PCDHGA1: variants seen among roughly 807,000 people sequenced by gnomAD.
The protein encoded by PCDHGA1 is protocadherin gamma-A1.
A neutral mutation model predicts 58.0 loss-of-function variants in PCDHGA1; 32 were observed. The ratio of observed to expected loss-of-function variants is 0.55; its 90% CI spans 0.42 to 0.74. The LOEUF (loss-of-function observed/expected upper bound fraction) is 0.74. Among genes scored for constraint, PCDHGA1 ranks in the 30% least tolerant of loss-of-function variants. The pLI, the probability that PCDHGA1 is intolerant of heterozygous loss-of-function variation, is 0.00. For missense variants in PCDHGA1, 1,205 were observed against 1,182.3 expected (o/e 1.02, Z -0.28); for synonymous variants, 498 against 501.1 (o/e 0.99, Z 0.08).
chr5:141,384,510 C>T (rs1038523588), intron 1 of PCDHGA1: 16 of 1,614,028 alleles, frequency 9.9e-6, no homozygotes, highest in African/African-American at 2.7e-5. Flanking sequence ...CACATGACAG[C>T]GGGGACCCGC....
At chr5:141,455,903 ATTTATTT>A (rs2098836354) in intron 1 of PCDHGA1, among the ~76,000 whole-genome samples, 1 of 145,228 alleles carries the variant, frequency 6.9e-6, no homozygotes, top group African/African-American at 2.7e-5. Context: ...TTATTTATTT[ATTTATTT>A]ATTTTGAGAC....
rs754294132 is a variant in PCDHGA1, at chr5:141,389,121, A to G, written c.2421+56016A>G. ...AGATGCTGTTCTAGACCGCGAGCAG[A>G]ATCCAGAGTACAATATAACCGTTAC... is the stretch of plus-strand genomic sequence containing the variant. On this transcript the variant is annotated intron_variant, in intron 1 of 3. Coordinates refer to ENST00000517417, the MANE Select transcript of PCDHGA1 (RefSeq NM_018912.3). The G allele has an allele frequency of 1.1e-5, 17 of 1,613,910 alleles. No individual in the cohort carries two copies. In the Admixed American group the frequency reaches 2.8e-4, roughly 27 times the overall value.
chr5:141,359,539 T>C (rs1181475445), intron 1 of PCDHGA1, among the ~76,000 whole-genome samples: 1 of 150,972 alleles, frequency 6.6e-6, no homozygotes, highest in Non-Finnish European at 1.5e-5. Flanking sequence ...CTATAAGAAA[T>C]AAATAGGAAA....
Position 141,390,351 on chromosome 5 carries a change from C to T in PCDHGA1, c.2421+57246C>T, listed in dbSNP as rs1561631456. 5 of 1,558,898 alleles carry T rather than the reference C, an allele frequency of 3.2e-6. No homozygotes were observed. The Admixed American group carries it at 9.1e-5, about 28-fold the overall frequency. On this transcript the variant is annotated intron_variant, in intron 1 of 3. Transcript: ENST00000517417. ...TTCTCCATATTCACAAGAAAATATA[C>T]ATATTTGCAGGAAAATATATAATTT...
intron 1 of PCDHGA1, among the ~76,000 whole-genome samples, chr5:141,456,824 G>C (rs2098890304): frequency 6.6e-6 from 1 of 152,052 alleles, no homozygotes; most frequent in African/African-American, 2.4e-5. Flanking sequence ...ATTAGCCATC[G>C]TGGTAGTGGG....
In PCDHGA1 at chr5:141,331,834, T is replaced by A; in HGVS notation, c.1150T>A (p.Cys384Ser). 3 of 1,614,188 alleles carry A rather than the reference T, an allele frequency of 1.9e-6. No individual in the cohort carries two copies. The highest frequency in any genetic ancestry group is 2.5e-6 in the Non-Finnish European group (3 of 1,180,018). Residue 384 changes from cysteine (C) to serine (S), a missense_variant, in exon 1 of 4, where the codon TGT (cysteine) becomes AGT (serine). Coordinates refer to ENST00000517417, the MANE Select transcript of PCDHGA1 (RefSeq NM_018912.3). ...CTCAGGAGACAATGGCTACACCACA[T>A]GTTTCATTCCTGGAAATTTACCCTT... ...QDSGDNGYTT[C>S]FIPGNLPFKL...
rs1309124846 is a variant in PCDHGA1, at chr5:141,491,295, T to C, written c.2422-3512T>C. On this transcript the variant is annotated intron_variant, in intron 1 of 3. Coordinates refer to ENST00000517417, the MANE Select transcript of PCDHGA1 (RefSeq NM_018912.3). This position sits in a 1 kb window ranked among gnomAD's most constrained non-coding sequence, Gnocchi z 6.9. ...CCAGTGACTTCCTCATACACCCTCC[T>C]GAGCGTTCAGACCTTACCCTTTACC... The C allele has an allele frequency of 6.2e-7, 1 of 1,614,176 alleles. No homozygotes were observed. Among genetic ancestry groups the C allele is most frequent in the Non-Finnish European group, 8.5e-7 (1 of 1,179,994 alleles).
intron 1 of PCDHGA1, chr5:141,421,745 T>C: frequency 6.2e-7 from 1 of 1,613,950 alleles, no homozygotes; most frequent in Non-Finnish European, 8.5e-7. Flanking sequence ...AGCTACCAGC[T>C]CAGCCCTAAT....
intron 1 of PCDHGA1, chr5:141,362,465 C>G: frequency 1.2e-6 from 2 of 1,614,054 alleles, no homozygotes; most frequent in Non-Finnish European, 1.7e-6. Context: ...TTGGTTCCCG[C>G]GCAAGATCTC....
At chr5:141,460,817 A>G (rs527681610) in intron 1 of PCDHGA1, among the ~76,000 whole-genome samples, 3 of 152,126 alleles carry the variant, frequency 2.0e-5, no homozygotes, top group South Asian at 2.1e-4. Context: ...ATGTATACAT[A>G]TATACACACT....
Position 141,489,805 on chromosome 5 carries a change from A to T in PCDHGA1, c.2422-5002A>T. On this transcript the variant is annotated intron_variant, in intron 1 of 3. Transcript: ENST00000517417. The surrounding 1 kb of genome is among the most constrained non-coding windows in gnomAD (Gnocchi z 4.5). ...GAATGTGAAGACCCTAAAAGATGGG[A>T]AGCCATTCCCAGAGCTGGTGCTAGA... 1 of 1,614,166 alleles carries T rather than the reference A, an allele frequency of 6.2e-7. No individual in the cohort carries two copies. Among genetic ancestry groups the T allele is most frequent in the Non-Finnish European group, 8.5e-7 (1 of 1,180,012 alleles).
At chr5:141,375,316 C>T (rs1308700957) in intron 1 of PCDHGA1, 4 of 1,613,660 alleles carry the variant, frequency 2.5e-6, no homozygotes, top group South Asian at 2.2e-5. Flanking sequence ...CAGCTCTAGA[C>T]CGGGAAGAGG....
chr5:141,428,043 A>G, intron 1 of PCDHGA1: 1 of 1,608,722 alleles, frequency 6.2e-7, no homozygotes, highest in Non-Finnish European at 8.5e-7. Flanking sequence ...CTACCTGGTG[A>G]CCAAGGTGGT....
At chr5:141,504,206 A>G (rs1209911822) in intron 2 of PCDHGA1, among the ~76,000 whole-genome samples, 1 of 152,218 alleles carries the variant, frequency 6.6e-6, no homozygotes, top group African/African-American at 2.4e-5. Flanking sequence ...CTGTGGGAAA[A>G]TTCCAAGTAG....
intron 1 of PCDHGA1, chr5:141,362,441 A>T: frequency 2.5e-6 from 4 of 1,614,052 alleles, no homozygotes; most frequent in Non-Finnish European, 3.4e-6. Context: ...AATTTTCTGA[A>T]CATAACCCCG....
chr5:141,452,449 T>G (rs1482580788), intron 1 of PCDHGA1, among the ~76,000 whole-genome samples: 1 of 152,224 alleles, frequency 6.6e-6, no homozygotes, highest in South Asian at 2.1e-4. Flanking sequence ...TTCTAGGCCT[T>G]GTCAGCAGAC....
chr5:141,332,656 G>C lies in PCDHGA1; in HGVS notation c.1972G>C (p.Val658Leu). The C allele has an allele frequency of 5.0e-6, 8 of 1,613,324 alleles. No individual in the cohort carries two copies. The highest frequency in any genetic ancestry group is 6.8e-6 in the Non-Finnish European group (8 of 1,179,818). The change falls in exon 1 of 4, where the codon GTC becomes CTC. Residue 658 changes from valine (V) to leucine (L), a missense_variant. Physicochemically the swap from Val to Leu is conservative, Grantham distance 32. Coordinates refer to ENST00000517417, the MANE Select transcript of PCDHGA1 (RefSeq NM_018912.3). The surrounding 1 kb of genome is among the most constrained non-coding windows in gnomAD (Gnocchi z 4.6). ...DHGQPPLSAT[V>L]TLTVAVADRI... is the part of the protein sequence containing the mutation. ...CGGCCAGCCCCCGCTCTCCGCCACT[G>C]TCACGCTCACCGTGGCCGTGGCCGA...
At position 141,477,830 on chromosome 5, in the gene PCDHGA1, C is replaced by T; in HGVS notation, c.2422-16977C>T. ...TGCCCCCCAGGTCCTATATCCTCGG[C>T]CAGGTGGGAGCTCGGTGGAGATGCT... is the stretch of plus-strand genomic sequence containing the variant. On this transcript the variant is annotated intron_variant, in intron 1 of 3. Transcript: ENST00000517417. The surrounding 1 kb of genome is among the most constrained non-coding windows in gnomAD (Gnocchi z 4.9). 1 of 1,614,170 alleles carries T rather than the reference C, an allele frequency of 6.2e-7. No individual in the cohort carries two copies. Among genetic ancestry groups the T allele is most frequent in the Non-Finnish European group, 8.5e-7 (1 of 1,180,038 alleles).
Position 141,427,844 on chromosome 5 carries a change from C to A in PCDHGA1, c.2422-66963C>A, listed in dbSNP as rs997069058. 6.5e-6 allele frequency: 10 copies of A among 1,550,194 alleles called. No homozygotes were observed. In the East Asian group the frequency reaches 2.2e-4, roughly 35 times the overall value. On this transcript the variant is annotated intron_variant, in intron 1 of 3. Transcript: ENST00000517417. ...TGGTCGCGCAGCGTGCCTTCGACCA[C>A]GAGCAGCTGTGCGCCTTCGAGCTCA...
Sources: allele counts gnomAD v4.1 joint callset (sites outside exome capture counted in the v4.1 genomes callset), GRCh38; gene constraint gnomAD v4.1.1; non-coding constraint Gnocchi (gnomAD v3.1); transcripts MANE v1.5; gene names NCBI Gene and HGNC (gene_info 2026-07-23, HGNC 2026-07-21).